Variants in SGCD observed in about 807,000 individuals in gnomAD.
SGCD encodes delta-sarcoglycan.
Under a neutral mutation model 36.6 loss-of-function variants are expected in SGCD, and 18 were observed. That is an observed-to-expected ratio of 0.49 (90% CI 0.34 to 0.73). The LOEUF (loss-of-function observed/expected upper bound fraction) is 0.73. SGCD is among the 30% of genes least tolerant of loss of function. The pLI is 0.01. For synonymous variants in SGCD, 133 were observed against 130.6 expected (o/e 1.02, Z -0.12); for missense variants, 387 against 346.7 (o/e 1.12, Z -0.92).
At chr5:155,909,032 G>T (rs1231532064) in intron 1 of SGCD, among the ~76,000 whole-genome samples, 2 of 152,056 alleles carry the variant, frequency 1.3e-5, no homozygotes, top group Admixed American at 6.6e-5. Context: ...CAAGAAGCAT[G>T]ATTTCATGTT....
chr5:156,705,641 G>A (rs558784681), intron 7 of SGCD, among the ~76,000 whole-genome samples: 4 of 152,200 alleles, frequency 2.6e-5, no homozygotes, highest in African/African-American at 7.2e-5. Context: ...TCACCTGAAG[G>A]TCAGAGAGAT....
At chr5:155,733,904 C>G in the SGCD span, among the ~76,000 whole-genome samples, 11 of 151,964 alleles carry the variant, frequency 7.2e-5, no homozygotes, top group African/African-American at 2.7e-4. Flanking sequence ...GATTGAAGTG[C>G]TTAGCATGGT....
chr5:156,455,292 A>G (rs1754204780), intron 3 of SGCD, among the ~76,000 whole-genome samples: 1 of 152,168 alleles, frequency 6.6e-6, no homozygotes, highest in South Asian at 2.1e-4. Context: ...TCAAGGACGC[A>G]GGGTCCCTGG....
rs1238859349 is a variant in SGCD, at chr5:156,280,673, C to A, written c.-43-48861C>A. Reference sequence around the variant, plus strand: ...TTTCTTGTTCAGGGGCTGAATATACCCTGGTGTGCTGTTTTAAAAATCAAT... The same window carrying A: ...TTTCTTGTTCAGGGGCTGAATATACACTGGTGTGCTGTTTTAAAAATCAAT... On this transcript the variant is annotated intron_variant, in intron 3 of 9. Coordinates refer to the SGCD transcript ENST00000517913. 2.6e-5 allele frequency among the ~76,000 whole-genome samples: 4 copies of A among 152,038 alleles called. 1 individual carries two copies. The highest frequency in any genetic ancestry group is 2.6e-4 in the Admixed American group (4 of 15,244).
chr5:156,075,510 T>C (rs765883347), intron 1 of SGCD, among the ~76,000 whole-genome samples: 9 of 152,096 alleles, frequency 5.9e-5, no homozygotes, highest in Admixed American at 2.0e-4. Flanking sequence ...CAAACCCAGA[T>C]TGAGGGCCCA....
intron 3 of SGCD, among the ~76,000 whole-genome samples, chr5:156,290,349 A>C (rs1205154485): frequency 6.6e-6 from 1 of 152,154 alleles, no homozygotes; most frequent in East Asian, 1.9e-4. Flanking sequence ...CATTATGTTC[A>C]TAAGTTAACT....
At chr5:156,718,811 A>G (rs1369572534) in intron 7 of SGCD, among the ~76,000 whole-genome samples, 1 of 151,042 alleles carries the variant, frequency 6.6e-6, no homozygotes. Context: ...CTACCAAAAA[A>G]AAAAAAAAAA....
At chr5:155,792,433 CAAAA>C in the SGCD span, among the ~76,000 whole-genome samples, 2 of 92,352 alleles carry the variant, frequency 2.2e-5, no homozygotes, top group Admixed American at 1.3e-4. Context: ...TTCTACATAG[CAAAA>C]AAAAAAAAAA....
At chr5:156,540,548 C>G (rs977670259) in intron 4 of SGCD, among the ~76,000 whole-genome samples, 28 of 152,122 alleles carry the variant, frequency 1.8e-4, no homozygotes, top group Non-Finnish European at 3.2e-4. Context: ...AACACCTGTT[C>G]CTCCCTGAAT....
At chr5:155,818,146 A>G in the SGCD span, among the ~76,000 whole-genome samples, 1 of 152,232 alleles carries the variant, frequency 6.6e-6, no homozygotes, top group Non-Finnish European at 1.5e-5. Flanking sequence ...ACGTATACAA[A>G]TAGCAACAAG....
At chr5:155,775,672 G>A in the SGCD span, among the ~76,000 whole-genome samples, 1 of 151,908 alleles carries the variant, frequency 6.6e-6, no homozygotes, top group African/African-American at 2.4e-5. Context: ...AAGCAAACAG[G>A]GTGAAAATGG....
chr5:156,581,073 C>T (rs956858801), intron 4 of SGCD, among the ~76,000 whole-genome samples: 5 of 152,158 alleles, frequency 3.3e-5, no homozygotes, highest in Admixed American at 3.3e-4. Flanking sequence ...TGGTGACCTT[C>T]AGATGGGGTT....
chr5:155,747,997 C>G, the SGCD span, among the ~76,000 whole-genome samples: 1 of 152,118 alleles, frequency 6.6e-6, no homozygotes, highest in Non-Finnish European at 1.5e-5. Context: ...TAAAATTATT[C>G]CACTATATTC....
At chr5:156,133,802 CTGTT>C (rs990943017) in intron 3 of SGCD, among the ~76,000 whole-genome samples, 1 of 151,930 alleles carries the variant, frequency 6.6e-6, no homozygotes, top group African/African-American at 2.4e-5. Context: ...GTTTTGCAGT[CTGTT>C]TGTTTACTTG....
At chr5:156,199,045 A>G (rs1337062736) in intron 3 of SGCD, among the ~76,000 whole-genome samples, 1 of 152,062 alleles carries the variant, frequency 6.6e-6, no homozygotes, top group Non-Finnish European at 1.5e-5. Flanking sequence ...AAGGTCATAT[A>G]TGCAAAACTC....
At chr5:156,733,972 G>C (rs559015824) in intron 7 of SGCD, among the ~76,000 whole-genome samples, 1 of 152,100 alleles carries the variant, frequency 6.6e-6, no homozygotes, top group African/African-American at 2.4e-5. Flanking sequence ...CATGATCTTA[G>C]CGGGTTATTT....
At chr5:156,664,501 C>T (rs369216666) in intron 7 of SGCD, among the ~76,000 whole-genome samples, 9 of 126,984 alleles carry the variant, frequency 7.1e-5, no homozygotes, top group African/African-American at 3.0e-4. Flanking sequence ...TTCCCAGGCT[C>T]TAAGGCAGAT....
chr5:156,707,727 G>A (rs2113745587), intron 7 of SGCD, among the ~76,000 whole-genome samples: 1 of 152,222 alleles, frequency 6.6e-6, no homozygotes, highest in Non-Finnish European at 1.5e-5. Context: ...ACTCATTACA[G>A]GGAAACTGAA....
chr5:155,861,219 A>G, the SGCD span, among the ~76,000 whole-genome samples: 5 of 152,200 alleles, frequency 3.3e-5, no homozygotes, highest in South Asian at 2.1e-4. Flanking sequence ...TGATTAGGCT[A>G]GTGGCTGGTA....
Sources: gnomAD v4.1 joint callset for allele counts (sites outside exome capture counted in the v4.1 genomes callset) on GRCh38, gnomAD v4.1.1 for gene constraint, MANE v1.5 for transcripts, NCBI Gene and HGNC (gene_info 2026-07-23, HGNC 2026-07-21) for gene names.